SH3RF3: variants seen among roughly 807,000 people sequenced by gnomAD.
The protein encoded by SH3RF3 is SH3 domain containing ring finger 3, also known as E3 ubiquitin-protein ligase SH3RF3.
In SH3RF3, 29 loss-of-function variants were observed where a neutral mutation model predicts 66.3. The ratio of observed to expected loss-of-function variants is 0.44; its 90% CI spans 0.33 to 0.60. SH3RF3 has a LOEUF of 0.60. Ranked by LOEUF, SH3RF3 falls within the 20% of genes least tolerant of loss-of-function variation. The pLI is 0.04. For missense variants in SH3RF3, 1,194 were observed against 1,190.9 expected (o/e 1.00, Z -0.04); for synonymous variants, 583 against 532.0 (o/e 1.10, Z -1.32).
intron 1 of SH3RF3, among the ~76,000 whole-genome samples, chr2:109,320,045 G>A (rs1681984489): frequency 6.6e-6 from 1 of 152,154 alleles, no homozygotes; most frequent in Non-Finnish European, 1.5e-5. Flanking sequence ...AGGTCTTCAC[G>A]GAGCTACTTC....
At chr2:109,296,924 C>T (rs1293414338) in intron 1 of SH3RF3, among the ~76,000 whole-genome samples, 1 of 152,068 alleles carries the variant, frequency 6.6e-6, no homozygotes, top group African/African-American at 2.4e-5. Flanking sequence ...GATTGGGCTG[C>T]AGTGTGGATT....
chr2:109,272,516 C>T (rs981640285), intron 1 of SH3RF3, among the ~76,000 whole-genome samples: 29 of 152,206 alleles, frequency 1.9e-4, no homozygotes, highest in African/African-American at 6.5e-4. Flanking sequence ...GCTGCACTCA[C>T]AGGGGCCGAG....
At chr2:109,251,600 T>C (rs1274504945) in intron 1 of SH3RF3, 31 of 1,054,518 alleles carry the variant, frequency 2.9e-5, no homozygotes, top group Admixed American at 1.2e-4. Flanking sequence ...ATTGGAATGG[T>C]GGTAATAGGA....
At chr2:109,184,091 A>G (rs1678130751) in intron 1 of SH3RF3, among the ~76,000 whole-genome samples, 1 of 152,204 alleles carries the variant, frequency 6.6e-6, no homozygotes, top group Non-Finnish European at 1.5e-5. Flanking sequence ...TGTTGAGCCC[A>G]TGTGGTGGTT....
At chr2:109,279,361 A>G (rs1680830847) in intron 1 of SH3RF3, among the ~76,000 whole-genome samples, 1 of 152,206 alleles carries the variant, frequency 6.6e-6, no homozygotes, top group Non-Finnish European at 1.5e-5. Context: ...ATTAGGCTAA[A>G]TCGGCAGTGG....
At chr2:109,452,272 C>T (rs11897187) in intron 8 of SH3RF3, among the ~76,000 whole-genome samples, 8,888 of 152,248 alleles carry the variant, frequency 0.058, 804 homozygotes, top group African/African-American at 0.19. Flanking sequence ...CCCTGCAGGC[C>T]GCTTCCTGAG....
intron 4 of SH3RF3, among the ~76,000 whole-genome samples, chr2:109,410,174 C>T (rs1436483262): frequency 3.3e-5 from 5 of 152,330 alleles, no homozygotes; most frequent in African/African-American, 4.8e-5. Flanking sequence ...CGGGGAACCG[C>T]GGCCACAGCA....
At chr2:109,169,364 G>T (rs1212053925) in intron 1 of SH3RF3, among the ~76,000 whole-genome samples, 1 of 152,094 alleles carries the variant, frequency 6.6e-6, no homozygotes, top group African/African-American at 2.4e-5. Context: ...TTTCAGGAAG[G>T]GTCCCTTGCT....
intron 1 of SH3RF3, among the ~76,000 whole-genome samples, chr2:109,196,396 C>G (rs1425361237): frequency 6.6e-6 from 1 of 152,192 alleles, no homozygotes; most frequent in Non-Finnish European, 1.5e-5. Flanking sequence ...TCATTTAATC[C>G]CGTGGCGGGC....
intron 3 of SH3RF3, 148 bp downstream of exon 3, chr2:109,371,829 G>T: frequency 1.4e-6 from 1 of 710,194 alleles, no homozygotes; most frequent in Middle Eastern, 4.0e-4. Context: ...CTATGTGTGG[G>T]CTTTGATTCA....
At chr2:109,258,628 C>T (rs571288935) in intron 1 of SH3RF3, among the ~76,000 whole-genome samples, 1 of 152,358 alleles carries the variant, frequency 6.6e-6, no homozygotes, top group South Asian at 2.1e-4. Flanking sequence ...GTGCTCCTAA[C>T]ATCCCTGCAC....
chr2:109,172,531 G>A (rs985391662), intron 1 of SH3RF3, among the ~76,000 whole-genome samples: 1 of 152,102 alleles, frequency 6.6e-6, no homozygotes, highest in Non-Finnish European at 1.5e-5. Context: ...ACCTCCCTCC[G>A]CTTGTCCCGT....
chr2:109,309,248 T>C (rs1301854674), intron 1 of SH3RF3, among the ~76,000 whole-genome samples: 1 of 146,054 alleles, frequency 6.8e-6, no homozygotes, highest in African/African-American at 2.7e-5. Context: ...TGTATAAGAA[T>C]GCTTGTGATT....
At chr2:109,211,398 A>G (rs796540879) in intron 1 of SH3RF3, among the ~76,000 whole-genome samples, 9 of 152,358 alleles carry the variant, frequency 5.9e-5, no homozygotes, top group African/African-American at 2.2e-4. Flanking sequence ...AGGAGGTGTT[A>G]TAAACAGCAG....
intron 1 of SH3RF3, among the ~76,000 whole-genome samples, chr2:109,202,914 A>C (rs904991966): frequency 3.3e-5 from 5 of 152,224 alleles, no homozygotes; most frequent in African/African-American, 7.2e-5. Flanking sequence ...GTAATGTTTT[A>C]GAGTGTAGGT....
At chr2:109,160,068 G>A (rs990843777) in intron 1 of SH3RF3, among the ~76,000 whole-genome samples, 1 of 152,182 alleles carries the variant, frequency 6.6e-6, no homozygotes, top group African/African-American at 2.4e-5. Flanking sequence ...AGTCCTTGGT[G>A]CCAAAAAGGT....
Position 109,449,235 on chromosome 2 carries a change from A to G in SH3RF3, c.1894A>G (p.Asn632Asp), listed in dbSNP as rs752088203. 5 of 1,613,052 alleles carry G rather than the reference A, an allele frequency of 3.1e-6. No homozygotes were observed. The highest frequency in any genetic ancestry group is 4.2e-6 in the Non-Finnish European group (5 of 1,179,626). Reference sequence around the variant, plus strand: ...CACCGTGTCACCCCTGCGCACCCAGAACTCTCCATCCCGCCTGCCTGCCAC... The same window carrying G: ...CACCGTGTCACCCCTGCGCACCCAGGACTCTCCATCCCGCCTGCCTGCCAC... ...TATVSPLRTQ[N>D]SPSRLPATSL... Residue 632 changes from asparagine to aspartate, a missense_variant, in exon 8 of 10, where the codon AAC (asparagine) becomes GAC (aspartate). By Grantham distance (23) the Asn-to-Asp change is conservative (BLOSUM62 1). Transcript: ENST00000309415.
chr2:109,250,984 T>C (rs1680076919), intron 1 of SH3RF3, among the ~76,000 whole-genome samples: 1 of 152,042 alleles, frequency 6.6e-6, no homozygotes. Context: ...GCTTTTTTTT[T>C]CAAATTATTA....
At chr2:109,387,875 C>A (rs563491197) in intron 3 of SH3RF3, among the ~76,000 whole-genome samples, 1 of 152,184 alleles carries the variant, frequency 6.6e-6, no homozygotes, top group Non-Finnish European at 1.5e-5. Flanking sequence ...GGGGTCTCCT[C>A]CCCCGGCCCA....
Sources: allele counts gnomAD v4.1 joint callset (sites outside exome capture counted in the v4.1 genomes callset), GRCh38; gene constraint gnomAD v4.1.1; transcripts MANE v1.5; gene names NCBI Gene and HGNC (gene_info 2026-07-23, HGNC 2026-07-21).